Variants in OR8B2 observed in about 807,000 individuals in gnomAD.
OR8B2 encodes the protein olfactory receptor 8B2.
For synonymous variants in OR8B2, 98 were observed against 138.2 expected, an observed-to-expected ratio of 0.71 and a Z score of 2.04; for missense variants, 304 against 379.6, an observed-to-expected ratio of 0.80 and a Z score of 1.65.
At chr11:124,389,812 T>C in the OR8B2 span, among the ~76,000 whole-genome samples, 1 of 151,992 alleles carries the variant, frequency 6.6e-6, no homozygotes, top group Non-Finnish European at 1.5e-5. Flanking sequence ...GTTCCATGTA[T>C]CAGAAAAGAT....
At position 124,383,143 on chromosome 11, in the gene OR8B2, G is replaced by A. The variant is rs1860630826; in HGVS notation, c.201C>T (p.Ser67=). The change falls in exon 2 of 2, where the codon TCC becomes TCT. Residue 67 remains serine, a synonymous_variant. Transcript: ENST00000641451. ...CAGAGGAGTAACAGAGATCAATGAAGGAGAGATTGAAGAGGAAATAGTACA... is the reference window on the plus strand; with the variant it reads ...CAGAGGAGTAACAGAGATCAATGAAAGAGAGATTGAAGAGGAAATAGTACA... ...TPMYYFLFNL[S]FIDLCYSSVF... 1 of 1,613,776 alleles carries A rather than the reference G, an allele frequency of 6.2e-7. No homozygotes were observed. The highest frequency in any genetic ancestry group is 1.3e-5 in the African/African-American group (1 of 74,912).
Position 124,383,284 on chromosome 11 carries a change from A to G in OR8B2, c.60T>C (p.His20=), listed in dbSNP as rs547486532. The part of the protein sequence containing the change: ...TEFILAGLTD[H]PEFRQPLFFL... ...AAAAGAGGGGTTGCCGGAACTCTGG[A>G]TGATCTGTTAATCCAGCAAGAATAA... The change falls in exon 2 of 2, where the codon CAT becomes CAC. Residue 20 remains histidine (H), a synonymous_variant. Coordinates refer to ENST00000641451, the MANE Select transcript of OR8B2 (RefSeq NM_001005468.2). 6.2e-6 allele frequency: 10 copies of G among 1,613,854 alleles called. No homozygotes were observed. The highest frequency in any genetic ancestry group is 7.6e-6 in the Non-Finnish European group (9 of 1,179,846).
chr11:124,394,307 T>C, the OR8B2 span, among the ~76,000 whole-genome samples: 12 of 150,568 alleles, frequency 8.0e-5, no homozygotes, highest in Admixed American at 5.9e-4. Context: ...TCAGCTAATA[T>C]AAGTCTGCTT....
the OR8B2 span, among the ~76,000 whole-genome samples, chr11:124,389,950 A>G: frequency 6.6e-6 from 1 of 152,154 alleles, no homozygotes; most frequent in Non-Finnish European, 1.5e-5. Context: ...GAAGACTAAT[A>G]AAGTGTGGAA....
At chr11:124,386,248 T>A (rs1251170357), upstream of OR8B2, among the ~76,000 whole-genome samples, 2 of 151,880 alleles carry the variant, frequency 1.3e-5, no homozygotes, top group African/African-American at 2.4e-5. Context: ...TCTGATTTGC[T>A]TCATTTTTTT....
chr11:124,382,720 C>G lies in OR8B2; in HGVS notation c.624G>C (p.Thr208=), dbSNP rs146575443. The G allele has an allele frequency of 1.9e-6, 3 of 1,613,802 alleles. No homozygotes were observed. The highest frequency in any genetic ancestry group is 2.5e-6 in the Non-Finnish European group (3 of 1,179,836). ...AAATGAGGATGGTACAACTGGGTAC[C>G]GTGATATTAGTACCCACAACAATGA... is the stretch of plus-strand genomic sequence containing the variant. The part of the protein sequence containing the change: ...VVLIVVGTNI[T]VPSCTILISY... Residue 208 remains threonine (T), a synonymous_variant, in exon 2 of 2, where the codon ACG becomes ACC. Coordinates refer to ENST00000641451, the MANE Select transcript of OR8B2 (RefSeq NM_001005468.2).
At chr11:124,394,489 G>A in the OR8B2 span, among the ~76,000 whole-genome samples, 55 of 152,070 alleles carry the variant, frequency 3.6e-4, no homozygotes, top group Admixed American at 2.5e-3. Flanking sequence ...TGGAAAGTTC[G>A]GGTAGGAAAA....
chr11:124,395,328 T>A, the OR8B2 span, among the ~76,000 whole-genome samples: 3 of 152,032 alleles, frequency 2.0e-5, no homozygotes, highest in African/African-American at 7.2e-5. Context: ...TATTTCTTGA[T>A]TTTACAATAT....
At chr11:124,388,444 A>G (rs933660815), upstream of OR8B2, among the ~76,000 whole-genome samples, 3 of 152,288 alleles carry the variant, frequency 2.0e-5, no homozygotes, top group Admixed American at 6.5e-5. Context: ...GGCAAAGAAT[A>G]CAGACAATGC....
chr11:124,394,753 A>C, the OR8B2 span, among the ~76,000 whole-genome samples: 6 of 152,294 alleles, frequency 3.9e-5, no homozygotes, highest in South Asian at 1.2e-3. Context: ...GGGTCTCTTC[A>C]TGGGGAGCTG....
chr11:124,383,403 T>G, intron 1 of OR8B2, 43 bp from the exon 2 acceptor site: 3 of 1,463,782 alleles, frequency 2.0e-6, no homozygotes, highest in Non-Finnish European at 2.8e-6. Context: ...ACAGATTTCT[T>G]TTTACAAAAT....
At position 124,382,754 on chromosome 11, in the gene OR8B2, A is replaced by C; in HGVS notation, c.590T>G (p.Val197Gly). ...AGTACCCACAACAATGAGAACAACC[A>C]CCTCGTTGACATAGGTGCTGGTGCA... ...LSCTSTYVNE[V>G]VVLIVVGTNI... Residue 197 changes from valine to glycine, a missense_variant, in exon 2 of 2, where the codon GTG becomes GGG. Coordinates refer to ENST00000641451, the MANE Select transcript of OR8B2 (RefSeq NM_001005468.2). 1 of 1,613,776 alleles carries C rather than the reference A, an allele frequency of 6.2e-7. No individual in the cohort carries two copies. Among genetic ancestry groups the C allele is most frequent in the South Asian group, 1.1e-5 (1 of 91,056 alleles).
At chr11:124,396,243 A>T in the OR8B2 span, 1 of 652,356 alleles carries the variant, frequency 1.5e-6, no homozygotes, top group Non-Finnish European at 2.5e-6. Context: ...GAAGTGCCAG[A>T]GATGCAAAAC....
At chr11:124,396,354 A>T in the OR8B2 span, 4 of 1,421,612 alleles carry the variant, frequency 2.8e-6, no homozygotes, top group Non-Finnish European at 3.8e-6. Context: ...TCTTCATGGA[A>T]CACACTAATA....
chr11:124,389,614 A>G, the OR8B2 span, among the ~76,000 whole-genome samples: 9 of 152,182 alleles, frequency 5.9e-5, no homozygotes, highest in Non-Finnish European at 1.2e-4. Context: ...CCTAGGTTTA[A>G]TTATAACTTC....
the OR8B2 span, among the ~76,000 whole-genome samples, chr11:124,390,267 G>A: frequency 2.0e-5 from 3 of 152,284 alleles, no homozygotes; most frequent in South Asian, 6.2e-4. Flanking sequence ...TGGTAAGGGA[G>A]TGCTATCCAG....
chr11:124,387,271 C>A (rs1298483143), upstream of OR8B2, among the ~76,000 whole-genome samples: 1 of 152,240 alleles, frequency 6.6e-6, no homozygotes, highest in Admixed American at 6.5e-5. Context: ...AATTAGATCT[C>A]ATTTGTCAAT....
upstream of OR8B2, among the ~76,000 whole-genome samples, chr11:124,386,340 T>C (rs56397460): frequency 0.3 from 41,957 of 140,092 alleles, 6,423 homozygotes; most frequent in African/African-American, 0.36. Context: ...ATGTGCCATG[T>C]TGGTGTGCTG....
chr11:124,384,158 TTCCTGGCATTC>T (rs141428837), intron 1 of OR8B2, among the ~76,000 whole-genome samples: 70,451 of 151,830 alleles, frequency 0.46, 17,408 homozygotes, highest in East Asian at 0.58. Flanking sequence ...CAAATCTCCT[TTCCTGGCATTC>T]CTCTGTTCTG....
Sources: allele counts gnomAD v4.1 joint callset (sites outside exome capture counted in the v4.1 genomes callset), GRCh38; gene constraint gnomAD v4.1.1; transcripts MANE v1.5; gene names NCBI Gene and HGNC (gene_info 2026-07-23, HGNC 2026-07-21).